DPP6: variants seen among roughly 807,000 people sequenced by gnomAD.
DPP6 encodes dipeptidyl peptidase like 6, also known as A-type potassium channel modulatory protein DPP6.
DPP6 carries 69 observed loss-of-function variants against 122.6 expected under a neutral mutation model. That is an observed-to-expected ratio of 0.56 (90% CI 0.46 to 0.69). DPP6 has a LOEUF of 0.69. Among genes scored for constraint, DPP6 ranks in the 30% least tolerant of loss-of-function variants. The probability of loss-of-function intolerance (pLI) is 0.00; values close to 1 mark genes in which losing one functional copy is unlikely to be tolerated. For synonymous variants in DPP6, 418 were observed against 433.1 expected (o/e 0.97, Z 0.43); for missense variants, 928 against 1,116.9 (o/e 0.83, Z 2.41).
intron 8 of DPP6, among the ~76,000 whole-genome samples, chr7:154,732,316 G>A (rs1004839045): frequency 1.3e-5 from 2 of 152,146 alleles, no homozygotes; most frequent in Admixed American, 6.5e-5. Flanking sequence ...GGACAGCACA[G>A]AATTTTTGGC....
At chr7:154,818,672 A>G (rs1268097424) in intron 16 of DPP6, among the ~76,000 whole-genome samples, 1 of 152,202 alleles carries the variant, frequency 6.6e-6, no homozygotes, top group Non-Finnish European at 1.5e-5. Context: ...CAAAATTTCC[A>G]AGAAATTTAC....
At chr7:154,259,722 G>C (rs1228876448) in intron 1 of DPP6, among the ~76,000 whole-genome samples, 1 of 152,194 alleles carries the variant, frequency 6.6e-6, no homozygotes, top group Admixed American at 6.5e-5. Context: ...ATATTTTACA[G>C]AATTGCTGTC....
chr7:154,864,831 C>T (rs963096292), intron 17 of DPP6, among the ~76,000 whole-genome samples: 1 of 152,198 alleles, frequency 6.6e-6, no homozygotes, highest in Non-Finnish European at 1.5e-5. Context: ...GAACATGGTG[C>T]GTTCCCACAT....
intron 5 of DPP6, among the ~76,000 whole-genome samples, chr7:154,612,354 T>C (rs2130812052): frequency 6.6e-6 from 1 of 152,336 alleles, no homozygotes. Context: ...CATCAATCTA[T>C]TGACCGTCTC....
At chr7:154,350,231 A>G (rs6464414) in intron 1 of DPP6, among the ~76,000 whole-genome samples, 19,699 of 152,146 alleles carry the variant, frequency 0.13, 3,527 homozygotes, top group African/African-American at 0.41. Context: ...GGGAGAAGGA[A>G]GCAGGAACAG....
the DPP6 span, among the ~76,000 whole-genome samples, chr7:153,766,997 G>C: frequency 6.6e-6 from 1 of 151,964 alleles, no homozygotes; most frequent in Non-Finnish European, 1.5e-5. Context: ...CTAAGTTGAG[G>C]AAAGTCAAGA....
At chr7:153,791,778 C>G in the DPP6 span, among the ~76,000 whole-genome samples, 1 of 152,208 alleles carries the variant, frequency 6.6e-6, no homozygotes, top group East Asian at 1.9e-4. Flanking sequence ...CAGACAGAAG[C>G]CTACTTAGTC....
intron 1 of DPP6, among the ~76,000 whole-genome samples, chr7:154,206,664 T>C (rs1585630182): frequency 6.6e-6 from 1 of 152,150 alleles, no homozygotes; most frequent in Admixed American, 6.5e-5. Flanking sequence ...TCTTTTCTCA[T>C]CAAGATATCA....
At chr7:154,306,474 TCTC>T (rs141258394) in intron 1 of DPP6, among the ~76,000 whole-genome samples, 6 of 152,310 alleles carry the variant, frequency 3.9e-5, no homozygotes, top group East Asian at 3.9e-4. Flanking sequence ...TAAGCTGACT[TCTC>T]CTATTTATTT....
intron 1 of DPP6, among the ~76,000 whole-genome samples, chr7:154,260,050 G>A (rs74907434): frequency 3.9e-5 from 6 of 152,310 alleles, no homozygotes; most frequent in Admixed American, 3.9e-4. Flanking sequence ...GAATTGACAT[G>A]TGAATCCCGA....
chr7:154,375,366 C>T (rs547729740), intron 1 of DPP6, among the ~76,000 whole-genome samples: 27 of 152,142 alleles, frequency 1.8e-4, no homozygotes, highest in Non-Finnish European at 3.2e-4. Context: ...TGGAGTGAGG[C>T]AGGACCCGGA....
In DPP6 at chr7:154,241,193, G is replaced by GTGTGTT; in HGVS notation, c.243+188135_243+188136insTTGTGT. On this transcript the variant is annotated intron_variant, in intron 1 of 25. Transcript: ENST00000377770. The surrounding 1 kb of genome is among the most constrained non-coding windows in gnomAD (Gnocchi z 9.0). ...GGTAATTCAATATCAATATGTGTGT[G>GTGTGTT]TGTGTGTGTGTGTGTGTGTGTGTGT... Among the ~76,000 whole-genome samples, 1 of 146,456 alleles carries GTGTGTT rather than the reference G, an allele frequency of 6.8e-6. No homozygotes were observed. The highest frequency in any genetic ancestry group is 1.5e-5 in the Non-Finnish European group (1 of 67,738).
chr7:154,205,226 C>A (rs942261622), intron 1 of DPP6, among the ~76,000 whole-genome samples: 1 of 151,986 alleles, frequency 6.6e-6, no homozygotes, highest in Non-Finnish European at 1.5e-5. Context: ...GCCCTTGTAC[C>A]CTTTCCCCAG....
intron 17 of DPP6, among the ~76,000 whole-genome samples, chr7:154,861,323 G>A (rs920637226): frequency 1.3e-5 from 2 of 152,096 alleles, no homozygotes; most frequent in African/African-American, 4.8e-5. Context: ...ATTCAAAGCT[G>A]TACAAAATAA....
chr7:154,304,223 T>C (rs4726404), intron 1 of DPP6, among the ~76,000 whole-genome samples: 135,978 of 152,344 alleles, frequency 0.89, 60,902 homozygotes, highest in East Asian at 1. Context: ...CTTGGCCACA[T>C]GCTGGCCTGG....
chr7:154,526,247 A>G (rs1827398459), intron 3 of DPP6, among the ~76,000 whole-genome samples: 1 of 152,176 alleles, frequency 6.6e-6, no homozygotes, highest in African/African-American at 2.4e-5. Context: ...TATCTTTAAC[A>G]CTGAAGACAT....
rs1319562427 is a variant in DPP6, at chr7:154,784,144, G to T, written c.1137-9935G>T. Among the ~76,000 whole-genome samples the T allele has an allele frequency of 3.3e-5, 5 of 152,220 alleles. No homozygotes were observed. The East Asian group carries it at 9.7e-4, about 30-fold the overall frequency. ...GCCTGTGAGCCTCATGCCCAACATG[G>T]AACCTCCTGCATGGCGTGAACAGTG... On this transcript the variant is annotated intron_variant, in intron 10 of 25. Transcript: ENST00000377770.
chr7:154,393,554 A>ATTTTTTT (rs552425581), intron 1 of DPP6, among the ~76,000 whole-genome samples: 1 of 141,496 alleles, frequency 7.1e-6, no homozygotes, highest in African/African-American at 2.6e-5. Context: ...AGATTGTTCA[A>ATTTTTTT]TTTTTTTTTT....
At chr7:153,860,206 A>G in the DPP6 span, among the ~76,000 whole-genome samples, 1 of 152,190 alleles carries the variant, frequency 6.6e-6, no homozygotes, top group Admixed American at 6.5e-5. Flanking sequence ...TTCTAAAGGA[A>G]TGACTTGCCA....
Sources: gnomAD v4.1 joint callset for allele counts (sites outside exome capture counted in the v4.1 genomes callset) on GRCh38, gnomAD v4.1.1 for gene constraint, Gnocchi (gnomAD v3.1) non-coding constraint, MANE v1.5 for transcripts, NCBI Gene and HGNC (gene_info 2026-07-23, HGNC 2026-07-21) for gene names.